The following PDE8A variants were observed in gnomAD, a reference collection of about 807,000 sequenced individuals.
PDE8A encodes the protein phosphodiesterase 8A.
A neutral mutation model predicts 105.0 loss-of-function variants in PDE8A; 59 were observed. The observed-to-expected ratio is 0.56, with a 90% CI of 0.46 to 0.70. The LOEUF is 0.70. Among genes scored for constraint, PDE8A ranks in the 30% least tolerant of loss-of-function variants. The pLI, the probability that PDE8A is intolerant of heterozygous loss-of-function variation, is 0.00. For missense variants in PDE8A, 1,014 were observed against 1,045.9 expected (o/e 0.97, Z 0.42); for synonymous variants, 355 against 371.9 (o/e 0.95, Z 0.52).
At chr15:85,089,116 T>C (rs2081599392) in intron 6 of PDE8A, among the ~76,000 whole-genome samples, 1 of 152,178 alleles carries the variant, frequency 6.6e-6, no homozygotes, top group Non-Finnish European at 1.5e-5. Flanking sequence ...ACTGGCCCAA[T>C]GTGTCTTTCC....
chr15:85,026,063 T>C (rs769932365), intron 1 of PDE8A, among the ~76,000 whole-genome samples: 14 of 152,232 alleles, frequency 9.2e-5, no homozygotes, highest in Non-Finnish European at 1.5e-4. Flanking sequence ...TAGTGACCTC[T>C]GAACCCGTGT....
intron 20 of PDE8A, among the ~76,000 whole-genome samples, chr15:85,130,410 C>T (rs2082314233): frequency 6.6e-6 from 1 of 152,118 alleles, no homozygotes; most frequent in African/African-American, 2.4e-5. Context: ...AGTTTTGGTT[C>T]ATTTCACTGT....
chr15:85,025,286 CA>C (rs1437042213), intron 1 of PDE8A, among the ~76,000 whole-genome samples: 2 of 152,150 alleles, frequency 1.3e-5, no homozygotes, highest in African/African-American at 4.8e-5. Context: ...CCCTTGAAGC[CA>C]GTTCCCTGAA....
At chr15:84,988,373 C>T (rs924912636) in intron 1 of PDE8A, among the ~76,000 whole-genome samples, 2 of 152,184 alleles carry the variant, frequency 1.3e-5, no homozygotes, top group African/African-American at 4.8e-5. Context: ...TGTTAAGTTT[C>T]GACTTACTGT....
intron 1 of PDE8A, 125 bp from the exon 2 acceptor site, chr15:85,064,245 A>C: frequency 1.6e-6 from 1 of 627,590 alleles, no homozygotes; most frequent in East Asian, 2.8e-5. Context: ...TTTATCTACT[A>C]TTTACTTTAT....
chr15:85,050,835 GT>G (rs2080961448), intron 1 of PDE8A, among the ~76,000 whole-genome samples: 1 of 151,984 alleles, frequency 6.6e-6, no homozygotes, highest in Non-Finnish European at 1.5e-5. Context: ...GGGTTTTTCT[GT>G]TTCTTCAAAA....
intron 1 of PDE8A, among the ~76,000 whole-genome samples, chr15:85,010,866 A>C (rs1349428127): frequency 1.0e-5 from 1 of 95,454 alleles, no homozygotes; most frequent in African/African-American, 4.8e-5. Flanking sequence ...AGTGTCCCTT[A>C]ACCTAGTTCT....
chr15:85,135,081 C>G (rs564271061), intron 20 of PDE8A, among the ~76,000 whole-genome samples: 3 of 152,262 alleles, frequency 2.0e-5, no homozygotes, highest in African/African-American at 7.2e-5. Flanking sequence ...TGGGAACGTT[C>G]TGGGCGAGGT....
chr15:85,047,933 C>T (rs1567248510), intron 1 of PDE8A, among the ~76,000 whole-genome samples: 1 of 152,108 alleles, frequency 6.6e-6, no homozygotes, highest in Non-Finnish European at 1.5e-5. Flanking sequence ...ATTTTCCTTA[C>T]CGGTTTCCTT....
At chr15:85,106,699 G>A (rs1021644908) in intron 11 of PDE8A, among the ~76,000 whole-genome samples, 8 of 152,210 alleles carry the variant, frequency 5.3e-5, no homozygotes, top group African/African-American at 1.9e-4. Flanking sequence ...TCCAGAGATG[G>A]AAGGCGGAGC....
chr15:85,038,806 T>C (rs1567242525), intron 1 of PDE8A, among the ~76,000 whole-genome samples: 1 of 152,088 alleles, frequency 6.6e-6, no homozygotes, highest in Non-Finnish European at 1.5e-5. Context: ...CCTCATACCT[T>C]TGGATTGGCT....
chr15:85,127,597 A>T (rs2082275605), intron 20 of PDE8A, among the ~76,000 whole-genome samples: 1 of 152,228 alleles, frequency 6.6e-6, no homozygotes, highest in Non-Finnish European at 1.5e-5. Flanking sequence ...AAAAATTAAA[A>T]TTAGGAAAAA....
At position 85,104,970 on chromosome 15, in the gene PDE8A, G is replaced by A. The variant is rs138129274; in HGVS notation, c.1037-4083G>A. ...GCAAGATATGTTTCTATCTGGGGGT[G>A]AGGTAAACAGTAAGCAAATAAACAT... On this transcript the variant is annotated intron_variant, in intron 11 of 21. Coordinates refer to ENST00000394553, the MANE Select transcript of PDE8A (RefSeq NM_002605.3). 5.7e-3 allele frequency among the ~76,000 whole-genome samples: 873 copies of A among 152,178 alleles called. 3 individuals carry two copies. Among genetic ancestry groups the A allele is most frequent in the Admixed American group, 0.01 (158 of 15,280 alleles).
chr15:85,117,560 G>A lies in PDE8A; in HGVS notation c.1536-81G>A, dbSNP rs1261929196. On this transcript the variant is annotated intron_variant, in intron 16 of 21. Transcript: ENST00000394553. ...GCTGCCCTGCACTCTCTGAAATTTG[G>A]CTTGGAACCTATTCAGGCCTTAAAC... 6.7e-6 allele frequency: 8 copies of A among 1,189,418 alleles called. No individual in the cohort carries two copies. In the African/African-American group the frequency reaches 7.5e-5, roughly 11 times the overall value. 73.7% of individuals were successfully genotyped at this position (1,189,418 alleles called of 1,614,324 possible).
chr15:85,125,057 G>A lies in PDE8A; in HGVS notation c.2086-1150G>A, dbSNP rs192384059. Among the ~76,000 whole-genome samples the A allele has an allele frequency of 4.5e-4, 69 of 152,280 alleles. No individual in the cohort carries two copies. In the East Asian group the frequency reaches 7.3e-3, roughly 16 times the overall value. Reference sequence around the variant, plus strand: ...CTATAGTCACACTGCAGGTATTAACGGATCTGAAGAAAGAAGGGTCAGCAC... The same window carrying A: ...CTATAGTCACACTGCAGGTATTAACAGATCTGAAGAAAGAAGGGTCAGCAC... On this transcript the variant is annotated intron_variant, in intron 19 of 21. Transcript: ENST00000394553.
At chr15:85,034,470 G>A (rs1282014286) in intron 1 of PDE8A, among the ~76,000 whole-genome samples, 1 of 152,088 alleles carries the variant, frequency 6.6e-6, no homozygotes, top group African/African-American at 2.4e-5. Context: ...ATGACCTGAC[G>A]GTGTGTGGTC....
At chr15:85,029,414 G>A (rs1339955434) in intron 1 of PDE8A, among the ~76,000 whole-genome samples, 1 of 58,170 alleles carries the variant, frequency 1.7e-5, no homozygotes, top group Admixed American at 1.8e-4. Flanking sequence ...GTCCTCACGG[G>A]TCTTTTTTTT....
chr15:85,007,784 T>A (rs1039137459), intron 1 of PDE8A, among the ~76,000 whole-genome samples: 7 of 152,162 alleles, frequency 4.6e-5, no homozygotes, highest in African/African-American at 1.7e-4. Context: ...TATTATTTTT[T>A]AAATAATTAT....
intron 5 of PDE8A, among the ~76,000 whole-genome samples, chr15:85,082,137 C>T (rs1346634218): frequency 6.6e-6 from 1 of 152,094 alleles, no homozygotes; most frequent in Non-Finnish European, 1.5e-5. Flanking sequence ...TGGGTGTTCC[C>T]ATGGGGTCTT....
Sources: allele counts gnomAD v4.1 joint callset (sites outside exome capture counted in the v4.1 genomes callset), GRCh38; gene constraint gnomAD v4.1.1; transcripts MANE v1.5; gene names NCBI Gene and HGNC (gene_info 2026-07-23, HGNC 2026-07-21).